The following PTPRG variants were observed in gnomAD, a reference collection of about 807,000 sequenced individuals.
PTPRG encodes the protein protein tyrosine phosphatase receptor type G.
Under a neutral mutation model 165.3 loss-of-function variants are expected in PTPRG, and 102 were observed. That is an observed-to-expected ratio of 0.62 (90% CI 0.53 to 0.73). The LOEUF is 0.73. Ranked by LOEUF, PTPRG falls within the 30% of genes least tolerant of loss-of-function variation. PTPRG has a pLI of 0.00. For missense variants in PTPRG, 1,866 were observed against 1,861.4 expected (o/e 1.00, Z -0.05); for synonymous variants, 675 against 669.5 (o/e 1.01, Z -0.13).
chr3:62,063,105 A>T (rs1700874342), intron 4 of PTPRG, among the ~76,000 whole-genome samples: 1 of 152,190 alleles, frequency 6.6e-6, no homozygotes, highest in Non-Finnish European at 1.5e-5. Context: ...GGAAATGGGG[A>T]CCCAGAATAA....
chr3:62,045,912 C>T (rs1700274661), intron 4 of PTPRG, among the ~76,000 whole-genome samples: 1 of 152,310 alleles, frequency 6.6e-6, no homozygotes, highest in Non-Finnish European at 1.5e-5. Context: ...CAGACAGAAC[C>T]CAGTGACCAT....
intron 1 of PTPRG, chr3:61,742,516 C>T: frequency 6.3e-7 from 1 of 1,597,612 alleles, no homozygotes; most frequent in Non-Finnish European, 8.5e-7. Context: ...GACATTCTGC[C>T]AGTTTTTCTT....
In PTPRG at chr3:62,115,641, T is replaced by C. The variant is rs1328643146; in HGVS notation, c.616-16961T>C. Among the ~76,000 whole-genome samples the C allele has an allele frequency of 2.1e-5, 3 of 141,004 alleles. No individual in the cohort carries two copies. In the East Asian group the frequency reaches 6.1e-4, roughly 29 times the overall value. 92.5% of individuals were successfully genotyped at this position (141,004 alleles called of 152,430 possible). A position where few individuals can be genotyped will look rare whatever the true frequency, so the allele number is the denominator to read the frequency against. On this transcript the variant is annotated intron_variant, in intron 5 of 29. Transcript: ENST00000474889. ...ATATAGATTGATCCAAGGCACATTCTTTTTTTTTTTTTTAGAGACAGGATC... is the reference window on the plus strand; with the variant it reads ...ATATAGATTGATCCAAGGCACATTCCTTTTTTTTTTTTTAGAGACAGGATC...
chr3:61,657,449 A>G (rs1205020568), intron 1 of PTPRG, among the ~76,000 whole-genome samples: 1 of 152,100 alleles, frequency 6.6e-6, no homozygotes, highest in Non-Finnish European at 1.5e-5. Flanking sequence ...CTTGGGCAAC[A>G]TAGCAAGAGC....
In PTPRG at chr3:62,295,931, A is replaced by G. The variant is rs1703046178; in HGVS notation, c.*2624A>G. ...ACATAAGCACATTGCTTAAGTACAT[A>G]ACAAGGTTATTAACACTTGCACTCA... On this transcript the variant is annotated 3_prime_UTR_variant, in exon 30 of 30. Coordinates refer to ENST00000474889, the MANE Select transcript of PTPRG (RefSeq NM_002841.4). 2 of 152,252 alleles carry G rather than the reference A, an allele frequency of 1.3e-5. No homozygotes were observed. Among genetic ancestry groups the G allele is most frequent in the Admixed American group, 1.3e-4 (2 of 15,282 alleles). 9.4% of individuals were successfully genotyped at this position (152,252 alleles called of 1,614,324 possible). A position where few individuals can be genotyped will look rare whatever the true frequency, so the allele number is the denominator to read the frequency against.
At chr3:61,896,292 A>G (rs1279770658) in intron 2 of PTPRG, among the ~76,000 whole-genome samples, 2 of 152,196 alleles carry the variant, frequency 1.3e-5, no homozygotes, top group African/African-American at 4.8e-5. Flanking sequence ...AAAATGTTAC[A>G]TAAGTGGAAT....
At chr3:62,256,034 G>C (rs1256923194) in intron 16 of PTPRG, among the ~76,000 whole-genome samples, 3 of 152,124 alleles carry the variant, frequency 2.0e-5, no homozygotes, top group African/African-American at 4.8e-5. Context: ...GAGTTGTGTC[G>C]AGGAGGCCAA....
At chr3:61,611,303 C>T (rs927546364) in intron 1 of PTPRG, among the ~76,000 whole-genome samples, 7 of 152,286 alleles carry the variant, frequency 4.6e-5, no homozygotes, top group Admixed American at 2.6e-4. Context: ...GGTGAATAAC[C>T]ATCCCTCAGA....
chr3:61,986,837 A>G (rs2040775820), intron 2 of PTPRG, among the ~76,000 whole-genome samples: 1 of 152,206 alleles, frequency 6.6e-6, no homozygotes, highest in African/African-American at 2.4e-5. Context: ...GGGTAATATC[A>G]TGTCTGAGAG....
rs1343708400 is a variant in PTPRG, at chr3:62,231,154, A to AT, written c.2289-70dup. On this transcript the variant is annotated intron_variant, in intron 13 of 29. Transcript: ENST00000474889. ...TTAGATGGGAGGGGAGGGCATTTGT[A>AT]TGCAACTCTTGGTGGCCAATTGAAA... is the stretch of plus-strand genomic sequence containing the variant. 3.3e-6 allele frequency: 4 copies of AT among 1,207,978 alleles called. No individual in the cohort carries two copies. The African/African-American group carries it at 6.3e-5, about 19-fold the overall frequency. 74.8% of individuals were successfully genotyped at this position (1,207,978 alleles called of 1,614,324 possible). A position where few individuals can be genotyped will look rare whatever the true frequency, so the allele number is the denominator to read the frequency against.
At chr3:61,898,115 C>T (rs1343556048) in intron 2 of PTPRG, among the ~76,000 whole-genome samples, 2 of 152,194 alleles carry the variant, frequency 1.3e-5, no homozygotes, top group African/African-American at 4.8e-5. Flanking sequence ...AGCACACATC[C>T]TTGCCTTGTT....
intron 4 of PTPRG, among the ~76,000 whole-genome samples, chr3:62,040,011 T>C (rs1309218367): frequency 6.6e-6 from 1 of 152,216 alleles, no homozygotes; most frequent in Non-Finnish European, 1.5e-5. Flanking sequence ...TTTTCAGTGT[T>C]AAGTATTTTT....
intron 4 of PTPRG, among the ~76,000 whole-genome samples, chr3:62,061,890 A>C (rs1700825536): frequency 6.6e-6 from 1 of 151,012 alleles, no homozygotes. Flanking sequence ...TCGGCCTCCC[A>C]AAGTGTTAGG....
chr3:62,166,349 T>A (rs1704983083), intron 7 of PTPRG, among the ~76,000 whole-genome samples: 1 of 151,710 alleles, frequency 6.6e-6, no homozygotes, highest in Non-Finnish European at 1.5e-5. Flanking sequence ...TTTTTATTAT[T>A]TTTTTGAGAC....
intron 2 of PTPRG, among the ~76,000 whole-genome samples, chr3:61,842,355 T>C (rs1020706805): frequency 6.6e-6 from 1 of 152,166 alleles, no homozygotes; most frequent in Non-Finnish European, 1.5e-5. Flanking sequence ...TTATATGCTC[T>C]CTCGCCAGTC....
At chr3:62,135,772 C>T (rs184343838) in intron 6 of PTPRG, among the ~76,000 whole-genome samples, 1 of 152,208 alleles carries the variant, frequency 6.6e-6, no homozygotes, top group African/African-American at 2.4e-5. Context: ...TAGTGCAGGT[C>T]TGACACCTCT....
intron 2 of PTPRG, among the ~76,000 whole-genome samples, chr3:61,885,656 TCTCTC>T (rs1559669033): frequency 4.4e-5 from 2 of 45,904 alleles, no homozygotes; most frequent in African/African-American, 9.5e-5. Flanking sequence ...CTCTTTTCCT[TCTCTC>T]CTCTCCTCTC....
intron 2 of PTPRG, among the ~76,000 whole-genome samples, chr3:61,854,211 G>C (rs2037041181): frequency 6.6e-6 from 1 of 152,182 alleles, no homozygotes; most frequent in African/African-American, 2.4e-5. Context: ...AGTTACGTGA[G>C]ACAATAACCT....
chr3:61,958,904 C>T (rs1185198561), intron 2 of PTPRG, among the ~76,000 whole-genome samples: 1 of 152,172 alleles, frequency 6.6e-6, no homozygotes, highest in Non-Finnish European at 1.5e-5. Context: ...TTGGAGAATA[C>T]AAGGATGTCT....
Sources: allele counts gnomAD v4.1 joint callset (sites outside exome capture counted in the v4.1 genomes callset), GRCh38; gene constraint gnomAD v4.1.1; transcripts MANE v1.5; gene names NCBI Gene and HGNC (gene_info 2026-07-23, HGNC 2026-07-21).